Variants in CWC27 observed in about 807,000 individuals in gnomAD.
CWC27 encodes the protein CWC27 spliceosome associated cyclophilin.
Under a neutral mutation model 63.6 loss-of-function variants are expected in CWC27, and 47 were observed. The ratio of observed to expected loss-of-function variants is 0.74; its 90% confidence interval spans 0.58 to 0.94. The LOEUF (loss-of-function observed/expected upper bound fraction) is 0.94. Among genes scored for constraint, CWC27 ranks in the 40% least tolerant of loss-of-function variants. The pLI, the probability that CWC27 is intolerant of heterozygous loss-of-function variation, is 0.00. For missense variants in CWC27, 495 were observed against 554.3 expected (o/e 0.89, Z 1.07); for synonymous variants, 175 against 179.8 (o/e 0.97, Z 0.22).
Position 64,971,801 on chromosome 5 carries a change from C to T in CWC27, c.1141C>T (p.Arg381Trp), listed in dbSNP as rs993330713. The T allele has an allele frequency of 1.2e-5, 20 of 1,606,498 alleles. No homozygotes were observed. Among genetic ancestry groups the T allele is most frequent in the Admixed American group, 8.4e-5 (5 of 59,214 alleles). ...GCAACAGTCAAAGAAGGGAACTTCC[C>T]GGGAAGATCAGGTAACTTCAAAAAC... ...RKQQSKKGTS[R>W]EDQTLALLNQ... is the part of the protein sequence containing the mutation. Residue 381 changes from arginine (R) to tryptophan (W), a missense_variant, in exon 12 of 14, where the codon CGG becomes TGG. This residue lies in a region of CWC27 where 463 missense variants were observed against 498.1 expected (regional missense o/e 0.93). Coordinates refer to ENST00000381070, the MANE Select transcript of CWC27 (RefSeq NM_005869.4).
intron 11 of CWC27, among the ~76,000 whole-genome samples, chr5:64,911,793 G>A (rs111245306): frequency 1.3e-4 from 20 of 152,202 alleles, no homozygotes; most frequent in East Asian, 1.9e-4. Flanking sequence ...TAGACAGACC[G>A]GCTGGGCACG....
At chr5:64,975,597 A>T (rs1561176369) in intron 12 of CWC27, among the ~76,000 whole-genome samples, 1 of 152,138 alleles carries the variant, frequency 6.6e-6, no homozygotes, top group Non-Finnish European at 1.5e-5. Context: ...TTACAAAATT[A>T]TAGCCACTTG....
intron 10 of CWC27, among the ~76,000 whole-genome samples, chr5:64,880,466 G>A (rs1308592754): frequency 1.3e-5 from 2 of 151,956 alleles, no homozygotes; most frequent in Non-Finnish European, 2.9e-5. Flanking sequence ...TTGAGGGATA[G>A]AGGAGGTAAC....
chr5:64,907,433 T>C (rs6873779), intron 11 of CWC27, among the ~76,000 whole-genome samples: 14,432 of 152,196 alleles, frequency 0.095, 2,093 homozygotes, highest in African/African-American at 0.31. Flanking sequence ...GTAACAATTG[T>C]GAATGGGAGT....
At chr5:64,794,582 A>G (rs1432181692) in intron 7 of CWC27, among the ~76,000 whole-genome samples, 1 of 152,100 alleles carries the variant, frequency 6.6e-6, no homozygotes, top group African/African-American at 2.4e-5. Context: ...CATCCAGAGG[A>G]AGGGAAATGG....
At chr5:64,944,949 C>T (rs2112418886) in intron 11 of CWC27, among the ~76,000 whole-genome samples, 1 of 152,114 alleles carries the variant, frequency 6.6e-6, no homozygotes, top group Middle Eastern at 3.4e-3. Context: ...GTACTCTCTC[C>T]CCTTCTGTTT....
intron 10 of CWC27, among the ~76,000 whole-genome samples, chr5:64,842,418 C>G (rs1165766047): frequency 1.3e-5 from 2 of 151,928 alleles, no homozygotes; most frequent in Non-Finnish European, 2.9e-5. Context: ...ATTCTCCTGC[C>G]TCAGCCTCCT....
At chr5:64,972,364 G>A (rs1561175231) in intron 12 of CWC27, among the ~76,000 whole-genome samples, 2 of 152,044 alleles carry the variant, frequency 1.3e-5, no homozygotes, top group Admixed American at 1.3e-4. Flanking sequence ...CAACAATTTG[G>A]GAGTCAGCAC....
At chr5:64,800,405 C>G in intron 8 of CWC27, 78 bp downstream of exon 8, 3 of 1,060,986 alleles carry the variant, frequency 2.8e-6, no homozygotes, top group Non-Finnish European at 4.2e-6. Context: ...TGTGAGTAAA[C>G]AGTCAGTCCT....
chr5:64,976,511 T>C (rs965303642), intron 12 of CWC27, among the ~76,000 whole-genome samples: 6 of 152,034 alleles, frequency 3.9e-5, no homozygotes, highest in Non-Finnish European at 2.9e-5. Context: ...TAAATGAGCA[T>C]ACATTTTTTA....
intron 10 of CWC27, among the ~76,000 whole-genome samples, chr5:64,854,780 G>A (rs551401543): frequency 1.9e-3 from 293 of 152,214 alleles, no homozygotes; most frequent in African/African-American, 6.6e-3. Flanking sequence ...ACCCATCACT[G>A]TCCTAGCTTA....
rs1400390771 is a variant in CWC27, at chr5:64,790,032, A to G, written c.669+1012A>G. Among the ~76,000 whole-genome samples the G allele has an allele frequency of 2.0e-5, 3 of 152,048 alleles. No individual in the cohort carries two copies. In the South Asian group the frequency reaches 6.2e-4, roughly 32 times the overall value. On this transcript the variant is annotated intron_variant, in intron 7 of 13. Coordinates refer to ENST00000381070, the MANE Select transcript of CWC27 (RefSeq NM_005869.4). ...GGCTAATGTTGGACGCCTAGTAAGC[A>G]CTCTACTTAATACCCCTTGCATTAA...
intron 10 of CWC27, among the ~76,000 whole-genome samples, chr5:64,860,695 GTTTTAAAGTTATACTGTAAACAC>G (rs1160769898): frequency 6.6e-6 from 1 of 152,024 alleles, no homozygotes; most frequent in Non-Finnish European, 1.5e-5. Flanking sequence ...ATATAACTGT[GTTTTAAAGTTATACTGTAAACAC>G]TTGTATTTCT....
chr5:64,812,331 A>C (rs1744902340), intron 10 of CWC27, among the ~76,000 whole-genome samples: 1 of 152,126 alleles, frequency 6.6e-6, no homozygotes, highest in African/African-American at 2.4e-5. Context: ...TTCATCTCAC[A>C]GAAGATTTAT....
chr5:64,860,859 TACA>T (rs879504720), intron 10 of CWC27, among the ~76,000 whole-genome samples: 3 of 152,232 alleles, frequency 2.0e-5, no homozygotes, highest in Non-Finnish European at 2.9e-5. Flanking sequence ...CAAATAACTA[TACA>T]TTATAGTATA....
chr5:64,800,283 G>A lies in CWC27; in HGVS notation c.705G>A (p.Leu235=). 1 of 1,612,786 alleles carries A rather than the reference G, an allele frequency of 6.2e-7. No homozygotes were observed. The highest frequency in any genetic ancestry group is 8.5e-7 in the Non-Finnish European group (1 of 1,179,206). The change falls in exon 8 of 14, where the codon TTG becomes TTA. Residue 235 remains leucine (L), a synonymous_variant. Coordinates refer to ENST00000381070, the MANE Select transcript of CWC27 (RefSeq NM_005869.4). ...MKGKSKSSHD[L]LKDDPHLSSV... Reference sequence around the variant, plus strand: ...GCAAAAGCAAAAGTAGTCATGACTTGCTTAAGGATGATCCACATCTCAGTT... The same window carrying A: ...GCAAAAGCAAAAGTAGTCATGACTTACTTAAGGATGATCCACATCTCAGTT...
At chr5:64,957,494 G>A (rs1748825680) in intron 11 of CWC27, among the ~76,000 whole-genome samples, 2 of 152,112 alleles carry the variant, frequency 1.3e-5, no homozygotes, top group South Asian at 2.1e-4. Flanking sequence ...TTGCGTGAGG[G>A]AGAATGAGCA....
At chr5:65,014,903 C>A (rs1037134550) in intron 13 of CWC27, among the ~76,000 whole-genome samples, 4 of 152,224 alleles carry the variant, frequency 2.6e-5, no homozygotes, top group African/African-American at 9.6e-5. Context: ...TGCCAAGTAA[C>A]TAGCCATGCT....
chr5:64,857,807 A>G (rs970655923), intron 10 of CWC27, among the ~76,000 whole-genome samples: 4 of 152,364 alleles, frequency 2.6e-5, no homozygotes, highest in South Asian at 4.1e-4. Context: ...GAACTTCAAC[A>G]AAGTTTAAAA....
Sources: allele counts gnomAD v4.1 joint callset (sites outside exome capture counted in the v4.1 genomes callset), GRCh38; gene constraint gnomAD v4.1.1; regional missense constraint gnomAD v4.1.1; transcripts MANE v1.5; gene names NCBI Gene and HGNC (gene_info 2026-07-23, HGNC 2026-07-21).